RRM1: variants seen among roughly 807,000 people sequenced by gnomAD.
RRM1 encodes ribonucleoside-diphosphate reductase large subunit.
Under a neutral mutation model 101.5 loss-of-function variants are expected in RRM1, and 19 were observed. That is an observed-to-expected ratio of 0.19 (90% CI 0.13 to 0.27). The LOEUF is 0.27. Ranked by LOEUF, RRM1 falls within the 10% of genes least tolerant of loss-of-function variation. RRM1 has a pLI of 1.00. For synonymous variants in RRM1, 298 were observed against 323.4 expected, an observed-to-expected ratio of 0.92 and a Z score of 0.84; for missense variants, 500 against 962.9, an observed-to-expected ratio of 0.52 and a Z score of 6.36.
chr11:4,102,449 G>A (rs986974362), intron 2 of RRM1, among the ~76,000 whole-genome samples: 3 of 152,096 alleles, frequency 2.0e-5, no homozygotes, highest in African/African-American at 7.2e-5. Flanking sequence ...CCTGAGGTCA[G>A]GAGTTCAAGA....
chr11:4,120,043 A>G, intron 9 of RRM1, 115 bp downstream of exon 9: 1 of 648,528 alleles, frequency 1.5e-6, no homozygotes, highest in Non-Finnish European at 2.7e-6. Flanking sequence ...TACTTGTAAA[A>G]TCAATTTGAG....
intron 5 of RRM1, among the ~76,000 whole-genome samples, chr11:4,110,842 C>G (rs1012252539): frequency 6.6e-6 from 1 of 151,772 alleles, no homozygotes; most frequent in Non-Finnish European, 1.5e-5. Context: ...TCATTTAATC[C>G]GCTGAGGAAT....
At position 4,111,587 on chromosome 11, in the gene RRM1, TTC is replaced by T. The variant is rs780565423; in HGVS notation, c.448-8_448-7del. 3.1e-6 allele frequency: 5 copies of T among 1,587,878 alleles called. No homozygotes were observed. The highest frequency in any genetic ancestry group is 2.3e-5 in the South Asian group (2 of 85,546). On this transcript the variant is annotated splice_polypyrimidine_tract_variant and intron_variant, in intron 5 of 18. Coordinates refer to ENST00000300738, the MANE Select transcript of RRM1 (RefSeq NM_001033.5). Reference sequence around the variant, plus strand: ...CGGTGCTCTGAAAATTTTTTGTTGTTTCTCTCTTTCTAGACGCTAGAGCGGTC... The same window carrying T: ...CGGTGCTCTGAAAATTTTTTGTTGTTTCTCTTTCTAGACGCTAGAGCGGTC...
intron 2 of RRM1, among the ~76,000 whole-genome samples, chr11:4,105,360 A>G (rs1268394588): frequency 6.6e-6 from 1 of 151,902 alleles, no homozygotes; most frequent in African/African-American, 2.4e-5. Context: ...CTTACCCTGT[A>G]GCTGCAACCA....
intron 2 of RRM1, among the ~76,000 whole-genome samples, chr11:4,105,355 C>T (rs1416132476): frequency 6.6e-6 from 1 of 151,822 alleles, no homozygotes; most frequent in East Asian, 1.9e-4. Flanking sequence ...CTCAGCTTAC[C>T]CTGTAGCTGC....
intron 8 of RRM1, 82 bp from the exon 9 acceptor site, chr11:4,119,762 CT>C (rs2094578770): frequency 7.3e-6 from 6 of 817,756 alleles, no homozygotes; most frequent in African/African-American, 6.8e-5. Flanking sequence ...AATTAGGCAT[CT>C]TTTTTGATAA....
At chr11:4,119,432 C>T (rs781529396) in intron 8 of RRM1, among the ~76,000 whole-genome samples, 5 of 152,116 alleles carry the variant, frequency 3.3e-5, no homozygotes, top group Admixed American at 6.5e-5. Flanking sequence ...ATATAGCTAT[C>T]GCATATAATT....
Position 4,106,155 on chromosome 11 carries a change from A to G in RRM1, c.218A>G (p.Asp73Gly), listed in dbSNP as rs1258539210. 2 of 1,613,980 alleles carry G rather than the reference A, an allele frequency of 1.2e-6. No individual in the cohort carries two copies. Among genetic ancestry groups the G allele is most frequent in the Non-Finnish European group, 1.7e-6 (2 of 1,179,988 alleles). ...GCAACCTTGACTACTAAGCACCCTG[A>G]CTATGCTATCCTGGCAGCCAGGATC... ...TAATLTTKHPDYAILAARIAV... is the reference protein window; with the variant it reads ...TAATLTTKHPGYAILAARIAV... The change falls in exon 3 of 19, where the codon GAC becomes GGC. Residue 73 changes from aspartate to glycine, a missense_variant. Coordinates refer to ENST00000300738, the MANE Select transcript of RRM1 (RefSeq NM_001033.5).
At chr11:4,111,576 T>G in intron 5 of RRM1, 25 bp from the exon 6 acceptor site, 2 of 1,578,326 alleles carry the variant, frequency 1.3e-6, no homozygotes, top group East Asian at 2.3e-5. Context: ...GCTCTGAAAA[T>G]TTTTTGTTGT....
At chr11:4,111,778 C>A in intron 6 of RRM1, 122 bp from the exon 7 acceptor site, 2 of 1,191,646 alleles carry the variant, frequency 1.7e-6, no homozygotes, top group South Asian at 1.5e-5. Flanking sequence ...GGATAATTGT[C>A]CTGTTTATTA....
chr11:4,123,052 CT>C (rs2094584165), intron 11 of RRM1, 130 bp from the exon 12 acceptor site: 8 of 758,912 alleles, frequency 1.1e-5, no homozygotes, highest in East Asian at 2.8e-5. Flanking sequence ...TATCATATTC[CT>C]TTTTTTCTTT....
intron 17 of RRM1, among the ~76,000 whole-genome samples, chr11:4,133,871 A>G (rs1408805741): frequency 6.6e-6 from 1 of 151,856 alleles, no homozygotes; most frequent in Non-Finnish European, 1.5e-5. Context: ...ATAAAAAAGT[A>G]GTTCTCAATT....
chr11:4,101,298 G>A (rs973255855), intron 1 of RRM1, among the ~76,000 whole-genome samples: 1 of 151,766 alleles, frequency 6.6e-6, no homozygotes, highest in Admixed American at 6.6e-5. Flanking sequence ...CAGGACAAGT[G>A]GTATAGGATT....
intron 4 of RRM1, among the ~76,000 whole-genome samples, chr11:4,109,428 A>G (rs2094562496): frequency 6.6e-6 from 1 of 152,006 alleles, no homozygotes; most frequent in Non-Finnish European, 1.5e-5. Context: ...TTTCATATAC[A>G]TGTTTTTAAA....
Position 4,105,905 on chromosome 11 carries a change from TCTC to T in RRM1, c.109-137_109-135del, listed in dbSNP as rs1469003132. 5.0e-5 allele frequency: 33 copies of T among 662,074 alleles called. 1 individual carries two copies. The highest frequency in any genetic ancestry group is 4.2e-4 in the South Asian group (23 of 55,214). 41.0% of individuals were successfully genotyped at this position (662,074 alleles called of 1,614,324 possible). On this transcript the variant is annotated intron_variant, in intron 2 of 18. Coordinates refer to ENST00000300738, the MANE Select transcript of RRM1 (RefSeq NM_001033.5). ...GTCGTGAACTGCTAAGCTTAAGTGA[TCTC>T]CTCACCTCAGCCACTGAGTAGCTGG...
At chr11:4,108,878 C>T (rs1320862544) in intron 4 of RRM1, among the ~76,000 whole-genome samples, 2 of 152,112 alleles carry the variant, frequency 1.3e-5, no homozygotes, top group Non-Finnish European at 2.9e-5. Flanking sequence ...AAAAGGAAAG[C>T]AAGCTTTCGT....
At chr11:4,111,152 A>G (rs1425969268) in intron 5 of RRM1, among the ~76,000 whole-genome samples, 1 of 152,144 alleles carries the variant, frequency 6.6e-6, no homozygotes, top group African/African-American at 2.4e-5. Context: ...CAACACAGGG[A>G]GACCATGTCT....
intron 10 of RRM1, 95 bp from the exon 11 acceptor site, chr11:4,122,046 G>C: frequency 1.0e-6 from 1 of 969,926 alleles, no homozygotes; most frequent in South Asian, 1.6e-5. Context: ...TTCCAAGAGA[G>C]CTTGTAAAAG....
Position 4,099,949 on chromosome 11 carries a change from C to G in RRM1, c.20-2044C>G, listed in dbSNP as rs529734072. Among the ~76,000 whole-genome samples the G allele has an allele frequency of 2.9e-3, 444 of 152,168 alleles. 3 individuals carry two copies. The highest frequency in any genetic ancestry group is 0.01 in the African/African-American group (417 of 41,534). On this transcript the variant is annotated intron_variant, in intron 1 of 18. Transcript: ENST00000300738. ...TCTTTTTGCTAAGTTGCTTTCCCCCCCCACTGCATGTATAATTGCAGAACG... is the reference window on the plus strand; with the variant it reads ...TCTTTTTGCTAAGTTGCTTTCCCCCGCCACTGCATGTATAATTGCAGAACG...
Sources: allele counts gnomAD v4.1 joint callset (sites outside exome capture counted in the v4.1 genomes callset), GRCh38; gene constraint gnomAD v4.1.1; transcripts MANE v1.5; gene names NCBI Gene and HGNC (gene_info 2026-07-23, HGNC 2026-07-21).